The following NME7 variants were observed in gnomAD, a reference collection of about 807,000 sequenced individuals.
NME7 encodes NME/NM23 family member 7.
A neutral mutation model predicts 49.1 loss-of-function variants in NME7; 41 were observed. The observed-to-expected ratio is 0.83, with a 90% CI of 0.65 to 1.08. NME7 has a LOEUF of 1.08. Ranked by LOEUF, NME7 falls within the 50% of genes least tolerant of loss-of-function variation. The pLI is 0.00. For synonymous variants in NME7, 139 were observed against 150.6 expected, an observed-to-expected ratio of 0.92 and a Z score of 0.56; for missense variants, 423 against 463.4, an observed-to-expected ratio of 0.91 and a Z score of 0.80.
chr1:169,222,600 T>C (rs1012373098), intron 10 of NME7, among the ~76,000 whole-genome samples: 3 of 152,226 alleles, frequency 2.0e-5, no homozygotes, highest in African/African-American at 7.2e-5. Flanking sequence ...GACTTTGTTC[T>C]GTTAAGACAA....
At chr1:169,241,566 A>G (rs1648089231) in intron 7 of NME7, among the ~76,000 whole-genome samples, 1 of 151,998 alleles carries the variant, frequency 6.6e-6, no homozygotes, top group Non-Finnish European at 1.5e-5. Context: ...TATATCTATT[A>G]CAAATTCTAA....
At chr1:169,250,430 T>A (rs1648514556) in intron 7 of NME7, among the ~76,000 whole-genome samples, 1 of 152,094 alleles carries the variant, frequency 6.6e-6, no homozygotes, top group Non-Finnish European at 1.5e-5. Context: ...GTGTCATTGA[T>A]CTTTGGTATT....
intron 11 of NME7, among the ~76,000 whole-genome samples, chr1:169,142,785 A>G (rs73033767): frequency 6.6e-6 from 1 of 152,152 alleles, no homozygotes; most frequent in South Asian, 2.1e-4. Flanking sequence ...GGGCCTCTCA[A>G]TCTTTGTCAC....
intron 11 of NME7, among the ~76,000 whole-genome samples, chr1:169,147,531 A>G (rs543970441): frequency 1.9e-4 from 29 of 152,350 alleles, no homozygotes; most frequent in African/African-American, 7.0e-4. Flanking sequence ...CAATTAATGC[A>G]TATAAAACAC....
At chr1:169,355,058 TAC>T (rs1653356941) in intron 1 of NME7, among the ~76,000 whole-genome samples, 3 of 75,238 alleles carry the variant, frequency 4.0e-5, no homozygotes, top group African/African-American at 1.1e-4. Context: ...ATATATAATA[TAC>T]TATATATTAT....
At chr1:169,295,534 T>C (rs1650675754) in intron 6 of NME7, among the ~76,000 whole-genome samples, 8 of 152,188 alleles carry the variant, frequency 5.3e-5, no homozygotes, top group Admixed American at 6.5e-5. Context: ...TTACAATAAA[T>C]GTCTACTACT....
Position 169,353,515 on chromosome 1 carries a change from C to A in NME7, c.3+14193G>T, listed in dbSNP as rs186843597. On this transcript the variant is annotated intron_variant, in intron 1 of 11. Transcript: ENST00000367811. Reference sequence around the variant, plus strand: ...CAAAAATTTCTTGACCACCACCACACAGGCACAGGCAACCAAAGCAATCAT... The same window carrying A: ...CAAAAATTTCTTGACCACCACCACAAAGGCACAGGCAACCAAAGCAATCAT... Among the ~76,000 whole-genome samples, 368 of 152,164 alleles carry A rather than the reference C, an allele frequency of 2.4e-3. 11 individuals carry two copies. The highest frequency in any genetic ancestry group is 5.9e-4 in the Non-Finnish European group (40 of 67,968).
At chr1:169,361,625 C>CA (rs753850676) in intron 1 of NME7, among the ~76,000 whole-genome samples, 6 of 151,978 alleles carry the variant, frequency 3.9e-5, no homozygotes, top group Non-Finnish European at 8.8e-5. Flanking sequence ...ACTAAAAATA[C>CA]AAAAGTTAGC....
intron 11 of NME7, among the ~76,000 whole-genome samples, chr1:169,159,183 C>T (rs562446346): frequency 1.3e-5 from 2 of 152,112 alleles, no homozygotes; most frequent in African/African-American, 4.8e-5. Context: ...TGGCATTCTT[C>T]GCCTTTTGCC....
rs71121744 is a variant in NME7 at position 169,228,015 on chromosome 1, GA to G, written c.990+2702del. 4.8e-4 allele frequency among the ~76,000 whole-genome samples: 72 copies of G among 148,686 alleles called. 2 individuals carry two copies. The highest frequency in any genetic ancestry group is 3.5e-3 in the Middle Eastern group (1 of 282). The stretch of plus-strand genomic sequence containing the variant: ...TATATATATAACAAAAATAAAGATA[GA>G]AAAAAATATATAATTATGTGTGTAT... On this transcript the variant is annotated intron_variant, in intron 10 of 11. Transcript: ENST00000367811.
At chr1:169,196,706 AC>A (rs1213575131) in intron 10 of NME7, among the ~76,000 whole-genome samples, 9 of 152,322 alleles carry the variant, frequency 5.9e-5, no homozygotes, top group African/African-American at 2.2e-4. Context: ...AATTTGTAAT[AC>A]TGCAGAGGCT....
chr1:169,316,836 T>C (rs568404797), intron 3 of NME7, among the ~76,000 whole-genome samples: 2 of 152,250 alleles, frequency 1.3e-5, no homozygotes, highest in African/African-American at 4.8e-5. Context: ...TGAGATCTGA[T>C]TGGACTTCTG....
intron 10 of NME7, among the ~76,000 whole-genome samples, chr1:169,227,521 A>G (rs1408286778): frequency 6.6e-6 from 1 of 152,234 alleles, no homozygotes; most frequent in Non-Finnish European, 1.5e-5. Flanking sequence ...TCTGTAAGAA[A>G]TAACTAAGTT....
At chr1:169,309,022 T>G (rs1487143655) in intron 4 of NME7, among the ~76,000 whole-genome samples, 1 of 152,196 alleles carries the variant, frequency 6.6e-6, no homozygotes, top group Non-Finnish European at 1.5e-5. Context: ...TCTATTAATT[T>G]TATACAGTGT....
intron 1 of NME7, among the ~76,000 whole-genome samples, chr1:169,327,267 C>G (rs1247335568): frequency 6.6e-6 from 1 of 152,182 alleles, no homozygotes; most frequent in Non-Finnish European, 1.5e-5. Flanking sequence ...CCTGAAGATT[C>G]CAACTTCTAT....
In NME7 at chr1:169,276,432, AGGAAT is replaced by A. The variant is rs558941482; in HGVS notation, c.754+10866_754+10870del. Among the ~76,000 whole-genome samples, 321 of 133,696 alleles carry A rather than the reference AGGAAT, an allele frequency of 2.4e-3. 36 individuals carry two copies. Among genetic ancestry groups the A allele is most frequent in the African/African-American group, 7.9e-3 (312 of 39,614 alleles). The allele number at this position is 133,696 out of a possible 152,430, so 87.7% of individuals were successfully genotyped here. A position where few individuals can be genotyped will look rare whatever the true frequency, so the allele number is the denominator to read the frequency against. On this transcript the variant is annotated intron_variant, in intron 7 of 11. Transcript: ENST00000367811. ...TAGTCTTGGGAGAGTGTATGTGTCG[AGGAAT>A]TTATCCATTTCTTCTCGATTTTCTA...
chr1:169,339,810 T>C (rs539255378), intron 1 of NME7, among the ~76,000 whole-genome samples: 218 of 152,320 alleles, frequency 1.4e-3, no homozygotes, highest in Non-Finnish European at 2.6e-3. Flanking sequence ...GTTTGGCCAG[T>C]AGAAGCCAGT....
intron 1 of NME7, among the ~76,000 whole-genome samples, chr1:169,343,580 C>G (rs142473499): frequency 2.0e-4 from 30 of 152,018 alleles, no homozygotes; most frequent in Non-Finnish European, 2.6e-4. Flanking sequence ...CAACCTCTGC[C>G]TCCCCAGTTC....
chr1:169,332,177 G>T lies in NME7; in HGVS notation c.4-7677C>A, dbSNP rs189830078. The stretch of plus-strand genomic sequence containing the variant: ...CAGAAAAAATCCACACACCTACAGC[G>T]AACCCATTTTCAACAAAAGTGCAAA... On this transcript the variant is annotated intron_variant, in intron 1 of 11. Transcript: ENST00000367811. 2.6e-4 allele frequency among the ~76,000 whole-genome samples: 40 copies of T among 151,878 alleles called. 1 individual carries two copies. The highest frequency in any genetic ancestry group is 9.4e-4 in the African/African-American group (39 of 41,452).
Sources: allele counts gnomAD v4.1 joint callset (sites outside exome capture counted in the v4.1 genomes callset), GRCh38; gene constraint gnomAD v4.1.1; transcripts MANE v1.5; gene names NCBI Gene and HGNC (gene_info 2026-07-23, HGNC 2026-07-21).